Variants in PAK1 observed in about 807,000 individuals in gnomAD.
PAK1 encodes p21 (RAC1) activated kinase 1, also known as serine/threonine-protein kinase PAK 1.
A neutral mutation model predicts 67.4 loss-of-function variants in PAK1; 29 were observed. The ratio of observed to expected loss-of-function variants is 0.43; its 90% confidence interval spans 0.32 to 0.59. The LOEUF (loss-of-function observed/expected upper bound fraction) is 0.59. PAK1 is among the 20% of genes least tolerant of loss of function. The pLI, the probability that PAK1 is intolerant of heterozygous loss-of-function variation, is 0.07. For missense variants in PAK1, 337 were observed against 670.7 expected (o/e 0.50, Z 5.50); for synonymous variants, 223 against 237.4 (o/e 0.94, Z 0.56).
intron 1 of PAK1, among the ~76,000 whole-genome samples, chr11:77,450,246 T>C (rs763296121): frequency 4.6e-5 from 7 of 152,216 alleles, no homozygotes; most frequent in African/African-American, 7.2e-5. Flanking sequence ...CCCAGCATTA[T>C]GTTTTCTCAT....
chr11:77,480,295 A>T, the PAK1 span, among the ~76,000 whole-genome samples: 52 of 147,754 alleles, frequency 3.5e-4, no homozygotes, highest in African/African-American at 9.0e-4. Context: ...TTTTTTTTTT[A>T]AAAAAAGTAT....
chr11:77,324,154 T>G (rs1039254155), intron 14 of PAK1, among the ~76,000 whole-genome samples: 1 of 150,898 alleles, frequency 6.6e-6, no homozygotes, highest in African/African-American at 2.5e-5. Flanking sequence ...TCAGTAAAAC[T>G]GTTACAGAAA....
chr11:77,476,515 AT>A (rs35674952), upstream of PAK1: 44,244 of 152,080 alleles, frequency 0.29, 7,232 homozygotes, highest in East Asian at 0.45. Context: ...TAAATTGAGG[AT>A]TTGGGGAAAG....
intron 1 of PAK1, among the ~76,000 whole-genome samples, chr11:77,422,106 G>A (rs1298008999): frequency 6.6e-6 from 1 of 152,088 alleles, no homozygotes; most frequent in East Asian, 1.9e-4. Flanking sequence ...GTATTTGATA[G>A]TATTTATTTT....
intron 1 of PAK1, among the ~76,000 whole-genome samples, chr11:77,423,972 A>G (rs186956538): frequency 1.3e-5 from 2 of 152,352 alleles, no homozygotes; most frequent in African/African-American, 2.4e-5. Flanking sequence ...GTGAAAATCA[A>G]TGTACTGAAA....
intron 1 of PAK1, among the ~76,000 whole-genome samples, chr11:77,402,176 T>C (rs1952785763): frequency 6.6e-6 from 1 of 152,232 alleles, no homozygotes; most frequent in Non-Finnish European, 1.5e-5. Context: ...ACTCTCTTTC[T>C]ACACTAATTA....
intron 11 of PAK1, among the ~76,000 whole-genome samples, chr11:77,340,378 G>A (rs1453469152): frequency 6.6e-6 from 1 of 152,088 alleles, no homozygotes; most frequent in East Asian, 1.9e-4. Flanking sequence ...TTATCTCTAA[G>A]ACTGGAATTA....
chr11:77,464,343 T>C (rs2135516582), intron 1 of PAK1, among the ~76,000 whole-genome samples: 1 of 152,378 alleles, frequency 6.6e-6, no homozygotes, highest in East Asian at 1.9e-4. Flanking sequence ...ATGAGGTCTT[T>C]TCCTTATCAC....
At position 77,398,672 on chromosome 11, in the gene PAK1, A is replaced by G. The variant is rs574314039; in HGVS notation, c.-21-6131T>C. 3.9e-4 allele frequency among the ~76,000 whole-genome samples: 60 copies of G among 152,248 alleles called. 3 individuals carry two copies. In the South Asian group the frequency reaches 0.012, roughly 31 times the overall value. Reference sequence around the variant, plus strand: ...GTGCAGATATCTCTTCAATATACCAATTTCCTTTCTTGTGGGTAGATACCC... The same window carrying G: ...GTGCAGATATCTCTTCAATATACCAGTTTCCTTTCTTGTGGGTAGATACCC... On this transcript the variant is annotated intron_variant, in intron 1 of 14. Coordinates refer to ENST00000356341, the MANE Select transcript of PAK1 (RefSeq NM_002576.5).
At position 77,388,661 on chromosome 11, in the gene PAK1, G is replaced by A. The variant is rs17135625; in HGVS notation, c.190+3670C>T. Among the ~76,000 whole-genome samples the A allele has an allele frequency of 0.019, 2,954 of 152,216 alleles. 252 individuals carry two copies. In the East Asian group the frequency reaches 0.22, roughly 11 times the overall value. On this transcript the variant is annotated intron_variant, in intron 2 of 14. Coordinates refer to ENST00000356341, the MANE Select transcript of PAK1 (RefSeq NM_002576.5). ...AGCCACCGTGCCTGGCCAGTTATAGGATTCTAAAGCTAAAAGAAACTGCAC... is the reference window on the plus strand; with the variant it reads ...AGCCACCGTGCCTGGCCAGTTATAGAATTCTAAAGCTAAAAGAAACTGCAC...
chr11:77,393,444 G>A lies in PAK1; in HGVS notation c.-21-903C>T, dbSNP rs1170276420. Among the ~76,000 whole-genome samples, 12 of 151,934 alleles carry A rather than the reference G, an allele frequency of 7.9e-5. No homozygotes were observed. The South Asian group carries it at 1.5e-3, about 18-fold the overall frequency. ...AGAGTAGCTGGGACTACAGGCATGC[G>A]CCACCATGCCCATCTAATTAAAAAA... On this transcript the variant is annotated intron_variant, in intron 1 of 14. Transcript: ENST00000356341.
rs1284441194 is a variant in PAK1 at position 77,374,373 on chromosome 11, G to A, written c.440-8C>T. On this transcript the variant is annotated splice_polypyrimidine_tract_variant and splice_region_variant and intron_variant, in intron 4 of 14. Coordinates refer to ENST00000356341, the MANE Select transcript of PAK1 (RefSeq NM_002576.5). Reference sequence around the variant, plus strand: ...AATCCTCAGCTGACTTATCTGCACAGGAAGAAAAACAAGGGACTTAGTCAA... The same window carrying A: ...AATCCTCAGCTGACTTATCTGCACAAGAAGAAAAACAAGGGACTTAGTCAA... 1.3e-6 allele frequency: 2 copies of A among 1,586,934 alleles called. No homozygotes were observed. The highest frequency in any genetic ancestry group is 1.7e-5 in the Admixed American group (1 of 59,590).
chr11:77,439,834 A>T (rs1294810920), intron 1 of PAK1, among the ~76,000 whole-genome samples: 1 of 152,154 alleles, frequency 6.6e-6, no homozygotes, highest in East Asian at 1.9e-4. Flanking sequence ...ATCAGGGAAA[A>T]TTTCTCAGGA....
At chr11:77,495,547 C>A in the PAK1 span, among the ~76,000 whole-genome samples, 5 of 152,102 alleles carry the variant, frequency 3.3e-5, no homozygotes. Flanking sequence ...GATATATACC[C>A]AAAAGAATTG....
At chr11:77,485,438 T>C in the PAK1 span, among the ~76,000 whole-genome samples, 1 of 152,084 alleles carries the variant, frequency 6.6e-6, no homozygotes, top group African/African-American at 2.4e-5. Flanking sequence ...CTCATAAATG[T>C]ATATACCTAC....
At chr11:77,465,529 T>C (rs1957557496) in intron 1 of PAK1, among the ~76,000 whole-genome samples, 3 of 151,316 alleles carry the variant, frequency 2.0e-5, no homozygotes, top group African/African-American at 7.3e-5. Context: ...TGGTTCTTTA[T>C]TTTTTTTTAA....
chr11:77,361,263 C>T (rs1004050458), intron 5 of PAK1, among the ~76,000 whole-genome samples: 9 of 152,106 alleles, frequency 5.9e-5, no homozygotes, highest in African/African-American at 2.2e-4. Context: ...ATAACAGTGA[C>T]CTGAATGAAT....
At chr11:77,356,924 T>G (rs1946109929) in intron 6 of PAK1, among the ~76,000 whole-genome samples, 3 of 152,152 alleles carry the variant, frequency 2.0e-5, no homozygotes, top group Admixed American at 2.0e-4. Context: ...TTCAAGGTAT[T>G]TAACAGATTT....
the PAK1 span, among the ~76,000 whole-genome samples, chr11:77,502,654 C>T: frequency 1.3e-4 from 20 of 152,308 alleles, no homozygotes; most frequent in South Asian, 2.1e-4. Context: ...CAGGCTTCTT[C>T]GCAGGAGCTT....
Sources: gnomAD v4.1 joint callset for allele counts (sites outside exome capture counted in the v4.1 genomes callset) on GRCh38, gnomAD v4.1.1 for gene constraint, MANE v1.5 for transcripts, NCBI Gene and HGNC (gene_info 2026-07-23, HGNC 2026-07-21) for gene names.